KRT34: variants seen among roughly 807,000 people sequenced by gnomAD.
KRT34 encodes the protein keratin, type I cuticular Ha4.
A neutral mutation model predicts 41.7 loss-of-function variants in KRT34; 31 were observed. The observed-to-expected ratio is 0.74, with a 90% CI of 0.56 to 1.00. KRT34 has a LOEUF of 1.00. Among genes scored for constraint, KRT34 ranks in the 50% least tolerant of loss-of-function variants. The pLI, the probability that KRT34 is intolerant of heterozygous loss-of-function variation, is 0.00. For synonymous variants in KRT34, 224 were observed against 212.9 expected, an observed-to-expected ratio of 1.05 and a Z score of -0.45; for missense variants, 523 against 500.3, an observed-to-expected ratio of 1.05 and a Z score of -0.43.
chr17:41,383,563 G>T (rs1167333935), upstream of KRT34, among the ~76,000 whole-genome samples: 1 of 152,196 alleles, frequency 6.6e-6, no homozygotes, highest in East Asian at 1.9e-4. Context: ...TCAGATGGCA[G>T]CACTGAAGCA....
chr17:41,382,454 T>A (rs2018015226), upstream of KRT34: 1 of 1,170,100 alleles, frequency 8.5e-7, no homozygotes, highest in Non-Finnish European at 1.2e-6. Flanking sequence ...CCTCAACCCA[T>A]AAAATTATTC....
At position 41,379,036 on chromosome 17, in the gene KRT34, G is replaced by A. The variant is rs139425895; in HGVS notation, c.1017C>T (p.Tyr339=). 2.6e-4 allele frequency: 426 copies of A among 1,614,210 alleles called. No individual in the cohort carries two copies. In the African/African-American group the frequency reaches 4.9e-3, roughly 18 times the overall value. ...RCDLERQNQE[Y]QVLLDVRARL... ...GGGCACGCACGTCCAGCAGCACCTG[G>A]TACTCCTGGTTCTGCCGCTCCAGGT... Residue 339 remains tyrosine (Y), a synonymous_variant, in exon 6 of 7, where the codon TAC becomes TAT. Coordinates refer to ENST00000394001, the MANE Select transcript of KRT34 (RefSeq NM_001386014.1).
chr17:41,381,624 TAGAG>T, intron 2 of KRT34, 85 bp downstream of exon 2: 1 of 1,141,352 alleles, frequency 8.8e-7, no homozygotes, highest in Non-Finnish European at 1.3e-6. Context: ...GGAGGAGAAA[TAGAG>T]AGAAATGGCT....
intron 3 of KRT34, among the ~76,000 whole-genome samples, chr17:41,380,473 G>A (rs1259849711): frequency 6.6e-6 from 1 of 152,162 alleles, no homozygotes; most frequent in Middle Eastern, 3.2e-3. Context: ...TGGAGGTACT[G>A]CATGCCCAGC....
At chr17:41,381,637 C>T in intron 2 of KRT34, 76 bp downstream of exon 2, 3 of 1,282,338 alleles carry the variant, frequency 2.3e-6, no homozygotes, top group Non-Finnish European at 3.3e-6. Flanking sequence ...AGAGAAATGG[C>T]TTTCTCCTCT....
In KRT34 at chr17:41,381,081, A is replaced by G. The variant is rs2017971577; in HGVS notation, c.563T>C (p.Ile188Thr). The G allele has an allele frequency of 6.2e-7, 1 of 1,614,016 alleles. No individual in the cohort carries two copies. The highest frequency in any genetic ancestry group is 1.1e-5 in the South Asian group (1 of 91,080). The change falls in exon 3 of 7, where the codon ATC becomes ACC. Residue 188 changes from isoleucine (I) to threonine (T), a missense_variant. Transcript: ENST00000394001. ...SQVESLREEL[I>T]CLKKNHEEEV... ...CTCCTCATGGTTCTTCTTCAAGCAGATCAGCTCCTCCCTCAGGGACTCCAC... is the reference window on the plus strand; with the variant it reads ...CTCCTCATGGTTCTTCTTCAAGCAGGTCAGCTCCTCCCTCAGGGACTCCAC...
At chr17:41,382,945 G>C (rs1341343365), upstream of KRT34, among the ~76,000 whole-genome samples, 1 of 152,100 alleles carries the variant, frequency 6.6e-6, no homozygotes, top group Non-Finnish European at 1.5e-5. Flanking sequence ...CTAAAAGAGG[G>C]CATCTGCAAA....
intron 3 of KRT34, 31 bp from the exon 4 acceptor site, chr17:41,379,762 C>CG: frequency 1.9e-6 from 3 of 1,566,256 alleles, no homozygotes; most frequent in Non-Finnish European, 2.6e-6. Context: ...AATGAACCTA[C>CG]GGCAATGGAT....
upstream of KRT34, chr17:41,382,414 A>G (rs558835720): frequency 7.6e-5 from 116 of 1,517,910 alleles, 2 homozygotes; most frequent in South Asian, 1.4e-3. Flanking sequence ...TCTCCAAAAT[A>G]TGCTAGTTAG....
rs1415891050 is a variant in KRT34, at chr17:41,379,079, A to G, written c.974T>C (p.Leu325Pro). ...CTCCAGGTCACAGCGGATCTCTGCC[A>G]GCTGAGACTCCACGTTGGTGATCAG... ...QSLITNVESQ[L>P]AEIRCDLERQ... Residue 325 changes from leucine (L) to proline (P), a missense_variant, in exon 6 of 7, where the codon CTG (leucine) becomes CCG (proline). Physicochemically the swap from Leu to Pro is moderately conservative, Grantham distance 98. Coordinates refer to ENST00000394001, the MANE Select transcript of KRT34 (RefSeq NM_001386014.1). 2 of 1,614,216 alleles carry G rather than the reference A, an allele frequency of 1.2e-6. No homozygotes were observed. Among genetic ancestry groups the G allele is most frequent in the Non-Finnish European group, 1.7e-6 (2 of 1,180,032 alleles).
At position 41,382,192 on chromosome 17, in the gene KRT34, G is replaced by C; in HGVS notation, c.55C>G (p.Arg19Gly). Reference protein sequence around the residue: ...SLGCRTSCSSRPCVPPSCHGY... With the variant: ...SLGCRTSCSSGPCVPPSCHGY... The stretch of plus-strand genomic sequence containing the variant: ...TGGCAGCTGGGGGGCACGCAGGGCC[G>C]GGAGGAGCAGCTGGTGCGGCAGCCC... The change falls in exon 1 of 7, where the codon CGG (arginine) becomes GGG (glycine). Residue 19 changes from arginine (R) to glycine (G), a missense_variant. By Grantham distance (125) the Arg-to-Gly change is moderately radical. Transcript: ENST00000394001. 6.2e-7 allele frequency: 1 copy of C among 1,612,428 alleles called. No individual in the cohort carries two copies. The highest frequency in any genetic ancestry group is 2.2e-5 in the East Asian group (1 of 44,886).
chr17:41,380,311 A>G (rs549018225), intron 3 of KRT34, among the ~76,000 whole-genome samples: 3 of 152,064 alleles, frequency 2.0e-5, no homozygotes, highest in African/African-American at 7.2e-5. Context: ...AGTGACACAC[A>G]CATTTTATAG....
Position 41,381,786 on chromosome 17 carries a change from C to A in KRT34, c.358G>T (p.Ala120Ser). ...IEELQQKILC[A>S]KAENARLVVN... The stretch of plus-strand genomic sequence containing the variant: ...ACCAGCCTGGCATTCTCAGCCTTGG[C>A]ACACAGAATCTGAAAAGAAATTTCT... Residue 120 changes from alanine to serine, a missense_variant, in exon 2 of 7, where the codon GCC becomes TCC. Coordinates refer to ENST00000394001, the MANE Select transcript of KRT34 (RefSeq NM_001386014.1). 1.2e-6 allele frequency: 2 copies of A among 1,614,210 alleles called. No individual in the cohort carries two copies. Among genetic ancestry groups the A allele is most frequent in the Non-Finnish European group, 1.7e-6 (2 of 1,180,024 alleles).
At chr17:41,380,266 A>AG (rs543093145) in intron 3 of KRT34, among the ~76,000 whole-genome samples, 9,551 of 151,448 alleles carry the variant, frequency 0.063, 337 homozygotes, top group Non-Finnish European at 0.08. Flanking sequence ...AAAAAAAAAA[A>AG]AGCACTAAAA....
At position 41,382,178 on chromosome 17, in the gene KRT34, G is replaced by A; in HGVS notation, c.69C>T (p.Pro23=). 1.2e-6 allele frequency: 2 copies of A among 1,612,382 alleles called. No homozygotes were observed. Among genetic ancestry groups the A allele is most frequent in the Non-Finnish European group, 1.7e-6 (2 of 1,180,032 alleles). Reference sequence around the variant, plus strand: ...GCAGGGTGTAGCCGTGGCAGCTGGGGGGCACGCAGGGCCGGGAGGAGCAGC... The same window carrying A: ...GCAGGGTGTAGCCGTGGCAGCTGGGAGGCACGCAGGGCCGGGAGGAGCAGC... ...RTSCSSRPCV[P]PSCHGYTLPG... is the part of the protein sequence containing the mutation. Residue 23 remains proline, a synonymous_variant, in exon 1 of 7, where the codon CCC becomes CCT. Transcript: ENST00000394001.
chr17:41,383,329 T>G (rs117349116), upstream of KRT34, among the ~76,000 whole-genome samples: 203 of 152,336 alleles, frequency 1.3e-3, 2 homozygotes, highest in East Asian at 0.034. Context: ...AAATAAAGTT[T>G]TAATGGAACA....
chr17:41,382,516 A>G, upstream of KRT34: 1 of 708,044 alleles, frequency 1.4e-6, no homozygotes, highest in Non-Finnish European at 2.3e-6. Context: ...GGTTGGTGAA[A>G]TCAGAGTTTC....
chr17:41,381,626 G>A, intron 2 of KRT34, 87 bp downstream of exon 2: 1 of 1,167,358 alleles, frequency 8.6e-7, no homozygotes, highest in East Asian at 2.3e-5. Flanking sequence ...AGGAGAAATA[G>A]AGAGAAATGG....
chr17:41,379,881 C>G, intron 3 of KRT34, 150 bp from the exon 4 acceptor site: 2 of 849,736 alleles, frequency 2.4e-6, no homozygotes, highest in Non-Finnish European at 3.5e-6. Flanking sequence ...TAGCAATAAA[C>G]TCCAACAGGG....
Sources: allele counts gnomAD v4.1 joint callset (sites outside exome capture counted in the v4.1 genomes callset), GRCh38; gene constraint gnomAD v4.1.1; transcripts MANE v1.5; gene names NCBI Gene and HGNC (gene_info 2026-07-23, HGNC 2026-07-21).